The following SNTB1 variants were observed in gnomAD, a reference collection of about 807,000 sequenced individuals.
The protein encoded by SNTB1 is syntrophin beta 1.
SNTB1 carries 36 observed loss-of-function variants against 48.9 expected under a neutral mutation model. The observed-to-expected ratio is 0.74, with a 90% CI of 0.56 to 0.97. The LOEUF (loss-of-function observed/expected upper bound fraction) is 0.97, where lower values mean the gene tolerates loss of function less well. Among genes scored for constraint, SNTB1 ranks in the 50% least tolerant of loss-of-function variants. SNTB1 has a pLI of 0.00. For synonymous variants in SNTB1, 299 were observed against 294.6 expected, an observed-to-expected ratio of 1.01 and a Z score of -0.15; for missense variants, 786 against 703.4, an observed-to-expected ratio of 1.12 and a Z score of -1.33.
At chr8:120,625,365 A>G (rs1391612341) in intron 3 of SNTB1, among the ~76,000 whole-genome samples, 1 of 152,134 alleles carries the variant, frequency 6.6e-6, no homozygotes, top group African/African-American at 2.4e-5. Context: ...TAAAATGTAC[A>G]CACCCCCCTG....
intron 1 of SNTB1, among the ~76,000 whole-genome samples, chr8:120,723,518 A>G (rs762141010): frequency 6.6e-6 from 1 of 152,168 alleles, no homozygotes; most frequent in Non-Finnish European, 1.5e-5. Context: ...GTGTGAGATG[A>G]GCCTAGAGTT....
chr8:120,682,195 TAAC>T (rs1428122666), intron 2 of SNTB1, among the ~76,000 whole-genome samples: 1 of 151,976 alleles, frequency 6.6e-6, no homozygotes, highest in East Asian at 1.9e-4. Context: ...TGAAGAGAGA[TAAC>T]AAAAAAAGAG....
chr8:120,692,990 A>G (rs1330418445), intron 2 of SNTB1, among the ~76,000 whole-genome samples: 1 of 152,130 alleles, frequency 6.6e-6, no homozygotes, highest in Non-Finnish European at 1.5e-5. Flanking sequence ...GAAGCATGGC[A>G]CTGGCATCTG....
chr8:120,593,163 T>C lies in SNTB1; in HGVS notation c.997-17938A>G, dbSNP rs191087362. On this transcript the variant is annotated intron_variant, in intron 3 of 6. Coordinates refer to ENST00000517992, the MANE Select transcript of SNTB1 (RefSeq NM_021021.4). ...AAGTTTTGATTCACAGGGTAGATCA[T>C]GAAGAGAACTATGAGGTCAGTAAAG... is the stretch of plus-strand genomic sequence containing the variant. Among the ~76,000 whole-genome samples the C allele has an allele frequency of 8.5e-5, 13 of 152,212 alleles. No individual in the cohort carries two copies. In the East Asian group the frequency reaches 2.5e-3, roughly 29 times the overall value.
intron 3 of SNTB1, among the ~76,000 whole-genome samples, chr8:120,605,553 T>C (rs1816500090): frequency 6.6e-6 from 1 of 152,172 alleles, no homozygotes; most frequent in African/African-American, 2.4e-5. Context: ...GTTCACCTCT[T>C]TTTGTATCTA....
At position 120,811,048 on chromosome 8, in the gene SNTB1, A is replaced by C. The variant is rs1187501505; in HGVS notation, c.571+225T>G. 2.6e-5 allele frequency among the ~76,000 whole-genome samples: 4 copies of C among 152,252 alleles called. No homozygotes were observed. In the East Asian group the frequency reaches 5.8e-4, roughly 22 times the overall value. On this transcript the variant is annotated intron_variant, in intron 1 of 6. Coordinates refer to ENST00000517992, the MANE Select transcript of SNTB1 (RefSeq NM_021021.4). ...ACACCCCTCCTGGATTAAAGCCTGG[A>C]AAGACTGCGGGCTGGAGACAAATTG...
At chr8:120,761,281 G>T (rs1819414371) in intron 1 of SNTB1, 1 of 152,264 alleles carries the variant, frequency 6.6e-6, no homozygotes, top group South Asian at 2.1e-4. Context: ...TAAAAACAAG[G>T]ACACCAGCAG....
At chr8:120,618,900 G>A (rs1038421759) in intron 3 of SNTB1, among the ~76,000 whole-genome samples, 3 of 152,100 alleles carry the variant, frequency 2.0e-5, no homozygotes, top group Non-Finnish European at 2.9e-5. Context: ...AAATATCAAG[G>A]TTCATGGTTA....
At chr8:120,551,234 G>GA (rs1780854650) in intron 4 of SNTB1, among the ~76,000 whole-genome samples, 1 of 139,844 alleles carries the variant, frequency 7.2e-6, no homozygotes, top group Admixed American at 7.6e-5. Context: ...CAGACTGGGT[G>GA]ACACAGTGAG....
chr8:120,759,196 A>G (rs931775036), intron 1 of SNTB1, among the ~76,000 whole-genome samples: 1 of 152,222 alleles, frequency 6.6e-6, no homozygotes, highest in Admixed American at 6.5e-5. Flanking sequence ...CTCCACAGAG[A>G]TAATAACATA....
intron 1 of SNTB1, among the ~76,000 whole-genome samples, chr8:120,717,521 C>CTGA (rs1456321987): frequency 7.9e-5 from 12 of 152,178 alleles, no homozygotes; most frequent in African/African-American, 2.9e-4. Flanking sequence ...TTCAGTTTTC[C>CTGA]TGATGGATTC....
intron 1 of SNTB1, among the ~76,000 whole-genome samples, chr8:120,735,989 C>A (rs4282616): frequency 1 from 152,024 of 152,254 alleles, 75,897 homozygotes; most frequent in Middle Eastern, 1. Context: ...TGGGTAATTT[C>A]TAAAGGAAAG....
intron 3 of SNTB1, among the ~76,000 whole-genome samples, chr8:120,577,692 T>G (rs1441924064): frequency 2.0e-5 from 3 of 152,220 alleles, no homozygotes; most frequent in African/African-American, 7.2e-5. Flanking sequence ...CTAAGCATCA[T>G]TCTTCAAAAA....
chr8:120,724,600 T>A (rs926085156), intron 1 of SNTB1, among the ~76,000 whole-genome samples: 7 of 152,354 alleles, frequency 4.6e-5, no homozygotes, highest in Non-Finnish European at 1.0e-4. Context: ...CAAGGTTGTG[T>A]ACAAATCTCT....
chr8:120,644,662 C>T (rs1184826793), intron 2 of SNTB1, among the ~76,000 whole-genome samples: 1 of 151,912 alleles, frequency 6.6e-6, no homozygotes, highest in Non-Finnish European at 1.5e-5. Context: ...ATTTATAGTC[C>T]TTTGGGTATA....
intron 2 of SNTB1, among the ~76,000 whole-genome samples, chr8:120,682,951 G>A (rs1331502802): frequency 3.3e-4 from 47 of 143,036 alleles, no homozygotes; most frequent in African/African-American, 1.2e-3. Context: ...GCGCTATCTC[G>A]GCTCACTGCA....
intron 3 of SNTB1, among the ~76,000 whole-genome samples, chr8:120,575,733 A>T (rs1815940308): frequency 6.6e-6 from 1 of 152,228 alleles, no homozygotes; most frequent in South Asian, 2.1e-4. Flanking sequence ...TCTGTGATTC[A>T]GGCATCATCT....
At chr8:120,700,180 T>TC (rs1303178026) in intron 1 of SNTB1, among the ~76,000 whole-genome samples, 2 of 151,886 alleles carry the variant, frequency 1.3e-5, no homozygotes, top group African/African-American at 4.8e-5. Context: ...TGTGTGTGTT[T>TC]GTGTGTGTGT....
intron 1 of SNTB1, among the ~76,000 whole-genome samples, chr8:120,803,993 A>T (rs1364621066): frequency 6.6e-6 from 1 of 152,150 alleles, no homozygotes; most frequent in African/African-American, 2.4e-5. Flanking sequence ...AACCATCTTT[A>T]AAGACTGGCT....
Sources: allele counts gnomAD v4.1 joint callset (sites outside exome capture counted in the v4.1 genomes callset), GRCh38; gene constraint gnomAD v4.1.1; transcripts MANE v1.5; gene names NCBI Gene and HGNC (gene_info 2026-07-23, HGNC 2026-07-21).